Variants in TRIOBP observed in about 807,000 individuals in gnomAD.
TRIOBP encodes TRIO and F-actin binding protein.
Under a neutral mutation model 238.8 loss-of-function variants are expected in TRIOBP, and 169 were observed. The ratio of observed to expected loss-of-function variants is 0.71; its 90% CI spans 0.62 to 0.80. TRIOBP has a LOEUF of 0.80. Among genes scored for constraint, TRIOBP ranks in the 30% least tolerant of loss-of-function variants. TRIOBP has a pLI of 0.00. For missense variants in TRIOBP, 2,838 were observed against 3,122.6 expected (o/e 0.91, Z 2.17); for synonymous variants, 1,150 against 1,274.4 (o/e 0.90, Z 2.08).
intron 21 of TRIOBP, 98 bp from the exon 22 acceptor site, chr22:37,771,552 T>C: frequency 9.3e-7 from 1 of 1,076,142 alleles, no homozygotes; most frequent in Non-Finnish European, 1.4e-6. Flanking sequence ...GGCTGCATTC[T>C]AGGGGCCTGA....
chr22:37,711,578 C>CA (rs1185976077), intron 4 of TRIOBP, among the ~76,000 whole-genome samples: 122 of 17,970 alleles, frequency 6.8e-3, no homozygotes, highest in African/African-American at 0.019. Flanking sequence ...GGCTCCGTCT[C>CA]AAAAAAAAAA....
chr22:37,743,494 A>G (rs1925041993), intron 11 of TRIOBP, among the ~76,000 whole-genome samples: 1 of 152,152 alleles, frequency 6.6e-6, no homozygotes, highest in South Asian at 2.1e-4. Context: ...TGGTGCATTC[A>G]TTCATTCGAG....
chr22:37,727,256 T>G (rs1205995581), intron 7 of TRIOBP, among the ~76,000 whole-genome samples: 1 of 151,466 alleles, frequency 6.6e-6, no homozygotes, highest in Non-Finnish European at 1.5e-5. Context: ...TCATGGGTTT[T>G]TTTTTTTTTT....
At chr22:37,741,523 C>T (rs977061149) in intron 11 of TRIOBP, among the ~76,000 whole-genome samples, 1 of 152,228 alleles carries the variant, frequency 6.6e-6, no homozygotes, top group Non-Finnish European at 1.5e-5. Context: ...GCAGCTGAGA[C>T]CCGCTCCCTC....
intron 17 of TRIOBP, among the ~76,000 whole-genome samples, chr22:37,761,783 T>C (rs1219805568): frequency 1.5e-5 from 2 of 131,162 alleles, no homozygotes; most frequent in Non-Finnish European, 3.4e-5. Flanking sequence ...GCAGGGGAAT[T>C]GGGGTGGGAC....
intron 9 of TRIOBP, among the ~76,000 whole-genome samples, chr22:37,736,350 G>A (rs528726956): frequency 2.3e-4 from 35 of 152,244 alleles, no homozygotes; most frequent in African/African-American, 8.4e-4. Context: ...GTGCCGTGGG[G>A]GTTCCTGCTT....
In TRIOBP at chr22:37,734,601, A is replaced by G. The variant is rs1454923115; in HGVS notation, c.4265A>G (p.Gln1422Arg). 6.3e-6 allele frequency: 10 copies of G among 1,581,558 alleles called. No homozygotes were observed. Among genetic ancestry groups the G allele is most frequent in the Non-Finnish European group, 8.6e-6 (10 of 1,164,142 alleles). The change falls in exon 9 of 24, where the codon CAG (glutamine) becomes CGG (arginine). Residue 1422 changes from glutamine to arginine, a missense_variant. This residue lies in a region of TRIOBP where 2,096 missense variants were observed against 2,137.4 expected (regional missense o/e 0.98). Coordinates refer to ENST00000644935, the MANE Select transcript of TRIOBP (RefSeq NM_001039141.3). ...PLESGQAGPR[Q>R]PLGVWQSQEE... Reference sequence around the variant, plus strand: ...GAGAGTGGCCAAGCAGGCCCAAGACAGCCTCTGGGGGTGTGGCAGAGTCAG... The same window carrying G: ...GAGAGTGGCCAAGCAGGCCCAAGACGGCCTCTGGGGGTGTGGCAGAGTCAG...
At position 37,724,989 on chromosome 22, in the gene TRIOBP, A is replaced by G; in HGVS notation, c.2433A>G (p.Gln811=). Residue 811 remains glutamine, a synonymous_variant, in exon 7 of 24, where the codon CAA becomes CAG. Coordinates refer to ENST00000644935, the MANE Select transcript of TRIOBP (RefSeq NM_001039141.3). ...LRASSPIRAT[Q]QDNPRTCIQQ... Reference sequence around the variant, plus strand: ...CCTCCTCTCCCATCAGAGCCACCCAACAGGACAACCCCAGAACTTGTATTC... The same window carrying G: ...CCTCCTCTCCCATCAGAGCCACCCAGCAGGACAACCCCAGAACTTGTATTC... 6.2e-7 allele frequency: 1 copy of G among 1,613,904 alleles called. No individual in the cohort carries two copies. Among genetic ancestry groups the G allele is most frequent in the East Asian group, 2.2e-5 (1 of 44,892 alleles).
intron 21 of TRIOBP, among the ~76,000 whole-genome samples, chr22:37,769,757 C>A (rs962496494): frequency 6.6e-6 from 1 of 152,020 alleles, no homozygotes; most frequent in Non-Finnish European, 1.5e-5. Context: ...GAGACAGAGT[C>A]TCTCTCTGTC....
intron 10 of TRIOBP, among the ~76,000 whole-genome samples, chr22:37,740,466 G>A (rs1456027228): frequency 6.6e-6 from 1 of 152,152 alleles, no homozygotes; most frequent in African/African-American, 2.4e-5. Context: ...GTGACTCCTC[G>A]GTTCCAGATA....
rs753830322 is a variant in TRIOBP at position 37,754,903 on chromosome 22, C to G, written c.5406C>G (p.Thr1802=). The G allele has an allele frequency of 6.2e-7, 1 of 1,614,176 alleles. No individual in the cohort carries two copies. Among genetic ancestry groups the G allele is most frequent in the Non-Finnish European group, 8.5e-7 (1 of 1,180,038 alleles). The change falls in exon 13 of 24, where the codon ACC becomes ACG. Residue 1802 remains threonine, a synonymous_variant. Transcript: ENST00000644935. ...GEPPSPSLTT[T]STSQWKKHWF... is the part of the protein sequence containing the mutation. ...CTCCCTCCCCCTCGCTCACCACCAC[C>G]TCTACTTCGCAGTGGAAGAAACATT... is the stretch of plus-strand genomic sequence containing the variant.
intron 11 of TRIOBP, among the ~76,000 whole-genome samples, chr22:37,742,279 A>ATT (rs1924975790): frequency 2.3e-5 from 2 of 85,640 alleles, no homozygotes; most frequent in Admixed American, 1.3e-4. Context: ...TTTTTTTTAA[A>ATT]TTAAGATAGA....
chr22:37,717,311 G>T (rs1173467282), intron 6 of TRIOBP, among the ~76,000 whole-genome samples: 1 of 152,216 alleles, frequency 6.6e-6, no homozygotes, highest in Non-Finnish European at 1.5e-5. Context: ...AGAGTGAGCA[G>T]CAGCAAGATT....
At chr22:37,698,808 C>CTCCA (rs71195039) in intron 2 of TRIOBP, among the ~76,000 whole-genome samples, 110,139 of 151,306 alleles carry the variant, frequency 0.73, 40,663 homozygotes, top group East Asian at 0.83. Flanking sequence ...AGCCACTGCA[C>CTCCA]TCCAGCCTGG....
chr22:37,757,533 C>A (rs1925992562), intron 15 of TRIOBP, 80 bp from the exon 16 acceptor site: 1 of 1,526,798 alleles, frequency 6.5e-7, no homozygotes, highest in African/African-American at 1.4e-5. Flanking sequence ...GGGCCTGGCA[C>A]ACAGGTGTCG....
intron 7 of TRIOBP, among the ~76,000 whole-genome samples, chr22:37,730,938 C>T (rs1036943552): frequency 8.8e-5 from 10 of 113,262 alleles, no homozygotes; most frequent in South Asian, 3.0e-4. Flanking sequence ...CAGAGCGAGA[C>T]TCCATCTCAA....
intron 4 of TRIOBP, among the ~76,000 whole-genome samples, chr22:37,710,918 G>A (rs1420799826): frequency 6.6e-6 from 1 of 152,234 alleles, no homozygotes; most frequent in Non-Finnish European, 1.5e-5. Context: ...CATGGCCACA[G>A]CCTACTCACA....
At chr22:37,755,290 T>A in intron 14 of TRIOBP, 100 bp downstream of exon 14, 2 of 1,245,366 alleles carry the variant, frequency 1.6e-6, no homozygotes, top group Admixed American at 3.9e-5. Context: ...GGAGACTGGA[T>A]CCCTTCACTC....
At chr22:37,758,533 G>A (rs1926068304) in intron 16 of TRIOBP, among the ~76,000 whole-genome samples, 1 of 152,114 alleles carries the variant, frequency 6.6e-6, no homozygotes, top group Admixed American at 6.5e-5. Flanking sequence ...AAATTTAGCT[G>A]GGCGTGCTGG....
Sources: gnomAD v4.1 joint callset for allele counts (sites outside exome capture counted in the v4.1 genomes callset) on GRCh38, gnomAD v4.1.1 for gene constraint, gnomAD v4.1.1 regional missense constraint, MANE v1.5 for transcripts, NCBI Gene and HGNC (gene_info 2026-07-23, HGNC 2026-07-21) for gene names.